Variants in INSR observed in about 807,000 individuals in gnomAD.
INSR encodes IR.
A neutral mutation model predicts 142.6 loss-of-function variants in INSR; 67 were observed. The ratio of observed to expected loss-of-function variants is 0.47; its 90% CI spans 0.39 to 0.58. The LOEUF (loss-of-function observed/expected upper bound fraction) is 0.58. INSR is among the 20% of genes least tolerant of loss of function. The probability of loss-of-function intolerance (pLI) is 0.00; values close to 1 mark genes in which losing one functional copy is unlikely to be tolerated. For missense variants in INSR, 1,248 were observed against 1,833.2 expected, an observed-to-expected ratio of 0.68 and a Z score of 5.83; for synonymous variants, 756 against 743.1, an observed-to-expected ratio of 1.02 and a Z score of -0.28.
intron 2 of INSR, among the ~76,000 whole-genome samples, chr19:7,185,202 ATTTG>A (rs1433961353): frequency 2.0e-5 from 3 of 152,150 alleles, no homozygotes; most frequent in Non-Finnish European, 4.4e-5. Context: ...TTTTAATGTA[ATTTG>A]TTTAACTGTA....
chr19:7,180,877 T>C (rs771908115), intron 3 of INSR, among the ~76,000 whole-genome samples: 10 of 152,104 alleles, frequency 6.6e-5, no homozygotes, highest in Non-Finnish European at 1.2e-4. Context: ...TTGGATTCTG[T>C]CCATTGGTCT....
At chr19:7,147,440 GCTGCGATTAC>G (rs1404575873) in intron 11 of INSR, among the ~76,000 whole-genome samples, 1 of 152,134 alleles carries the variant, frequency 6.6e-6, no homozygotes, top group East Asian at 1.9e-4. Context: ...CTCCCAAAGT[GCTGCGATTAC>G]AGGTGTGAGT....
In INSR at chr19:7,150,569, G is replaced by A; in HGVS notation, c.2232-37C>T. ...AAACCAACGCCTTTGAGGACAGAGG[G>A]AACTTCATTAGACAGACCACTGGGC... On this transcript the variant is annotated intron_variant, in intron 10 of 21. Transcript: ENST00000302850. The surrounding 1 kb of genome is among the most constrained non-coding windows in gnomAD (Gnocchi z 4.2). 6.2e-7 allele frequency: 1 copy of A among 1,609,814 alleles called. No individual in the cohort carries two copies.
intron 11 of INSR, among the ~76,000 whole-genome samples, chr19:7,144,642 G>A (rs541866956): frequency 1.3e-5 from 2 of 151,740 alleles, no homozygotes; most frequent in South Asian, 2.1e-4. Context: ...GACCTCAGGT[G>A]ATCTGCCCAC....
chr19:7,182,828 T>A (rs1051350402), intron 3 of INSR, among the ~76,000 whole-genome samples: 1 of 150,364 alleles, frequency 6.7e-6, no homozygotes, highest in African/African-American at 2.5e-5. Flanking sequence ...CCATTTTTTT[T>A]ATTTCAATTG....
In INSR at chr19:7,173,316, G is replaced by A. The variant is rs1974061006; in HGVS notation, c.1124-882C>T. ...AAGGAATGCCTTTTTGCCTGACATG[G>A]TATTTCTTTTCTTTTTTTTTGAAAT... On this transcript the variant is annotated intron_variant, in intron 4 of 21. Transcript: ENST00000302850. 2.0e-5 allele frequency among the ~76,000 whole-genome samples: 3 copies of A among 152,126 alleles called. No individual in the cohort carries two copies. The South Asian group carries it at 6.2e-4, about 32-fold the overall frequency.
At chr19:7,145,851 T>G (rs1035766094) in intron 11 of INSR, among the ~76,000 whole-genome samples, 3 of 152,238 alleles carry the variant, frequency 2.0e-5, no homozygotes. Context: ...TAATTAGTAA[T>G]GATGAGATGG....
intron 10 of INSR, 103 bp downstream of exon 10, chr19:7,152,623 T>G: frequency 3.2e-6 from 3 of 951,754 alleles, no homozygotes; most frequent in Non-Finnish European, 5.1e-6. Flanking sequence ...CCCACCCTTC[T>G]GCCGTCTCTG....
At chr19:7,191,928 G>GGGAA (rs59709595) in intron 2 of INSR, among the ~76,000 whole-genome samples, 11 of 141,556 alleles carry the variant, frequency 7.8e-5, no homozygotes, top group African/African-American at 2.3e-4. Flanking sequence ...GAAAGAAGGA[G>GGGAA]GGAAGGAAGG....
intron 1 of INSR, among the ~76,000 whole-genome samples, chr19:7,289,608 G>A (rs979808214): frequency 2.6e-5 from 4 of 152,050 alleles, no homozygotes; most frequent in African/African-American, 9.6e-5. Flanking sequence ...GTTTCACCAT[G>A]TTGGCCAGGG....
Position 7,243,631 on chromosome 19 carries a change from G to C in INSR, c.652+23714C>G, listed in dbSNP as rs144338827. On this transcript the variant is annotated intron_variant, in intron 2 of 21. Transcript: ENST00000302850. ...TTTGTCAATGAATACTCAGTTACCT[G>C]CTATTTCATTTTATGTGGCTAGAAC... is the stretch of plus-strand genomic sequence containing the variant. 1.5e-3 allele frequency among the ~76,000 whole-genome samples: 230 copies of C among 152,246 alleles called. 1 individual carries two copies. Among genetic ancestry groups the C allele is most frequent in the Non-Finnish European group, 2.7e-3 (186 of 68,034 alleles).
In INSR at chr19:7,184,509, C is replaced by A. The variant is rs368445171; in HGVS notation, c.781G>T (p.Asp261Tyr). Residue 261 changes from aspartate (D) to tyrosine (Y), a missense_variant, in exon 3 of 22, where the codon GAC (aspartate) becomes TAC (tyrosine). Asp to Tyr is a radical substitution (Grantham distance 160, BLOSUM62 -3). Coordinates refer to ENST00000302850, the MANE Select transcript of INSR (RefSeq NM_000208.4). ...GGGCAGGTCTCCACACACCTGCCGT[C>A]CAGGTAGAAGTTGCGGCAGGCCACG... Reference protein sequence around the residue: ...KCVACRNFYLDGRCVETCPPP... With the variant: ...KCVACRNFYLYGRCVETCPPP... The A allele has an allele frequency of 3.0e-5, 48 of 1,613,830 alleles. No homozygotes were observed. The highest frequency in any genetic ancestry group is 4.0e-5 in the Non-Finnish European group (47 of 1,180,004).
At chr19:7,262,883 G>C (rs1159527224) in intron 2 of INSR, among the ~76,000 whole-genome samples, 4 of 152,234 alleles carry the variant, frequency 2.6e-5, no homozygotes, top group Non-Finnish European at 5.9e-5. Flanking sequence ...TGGGGACAGA[G>C]TTTCAGTTTG....
At chr19:7,151,598 G>C (rs572736423) in intron 10 of INSR, among the ~76,000 whole-genome samples, 57 of 151,634 alleles carry the variant, frequency 3.8e-4, no homozygotes, top group Admixed American at 1.8e-3. Flanking sequence ...CATTTTGTTT[G>C]TAACAGGTGA....
intron 3 of INSR, among the ~76,000 whole-genome samples, chr19:7,180,371 ATT>A (rs1427945998): frequency 1.3e-5 from 2 of 150,986 alleles, no homozygotes; most frequent in Admixed American, 1.3e-4. Flanking sequence ...ACACTACAGA[ATT>A]TTTTTTTAGC....
chr19:7,188,241 A>G (rs1974481355), intron 2 of INSR, among the ~76,000 whole-genome samples: 1 of 152,040 alleles, frequency 6.6e-6, no homozygotes, highest in Non-Finnish European at 1.5e-5. Flanking sequence ...TATGGCATGG[A>G]TCACTCTTGA....
rs182278322 is a variant in INSR at position 7,145,062 on chromosome 19, T to C, written c.2268-1972A>G. ...TTATATTACTGAGTGTGACTTCATT[T>C]TTCCTTTATTGGTTCTCTGTGATTC... On this transcript the variant is annotated intron_variant, in intron 11 of 21. Coordinates refer to ENST00000302850, the MANE Select transcript of INSR (RefSeq NM_000208.4). Among the ~76,000 whole-genome samples the C allele has an allele frequency of 3.0e-3, 460 of 152,296 alleles. 17 individuals are homozygous for C. In the South Asian group the frequency reaches 0.064, roughly 21 times the overall value.
chr19:7,125,853 C>G lies in INSR; in HGVS notation c.3014-326G>C, dbSNP rs1207792934. On this transcript the variant is annotated intron_variant, in intron 16 of 21. Coordinates refer to ENST00000302850, the MANE Select transcript of INSR (RefSeq NM_000208.4). The surrounding 1 kb of genome is among the most constrained non-coding windows in gnomAD (Gnocchi z 4.9). Reference sequence around the variant, plus strand: ...TGATGCTACTTCCCACCTGAGACTACTGTTTCTGCAAAGTGCCAAGGGGAT... The same window carrying G: ...TGATGCTACTTCCCACCTGAGACTAGTGTTTCTGCAAAGTGCCAAGGGGAT... Among the ~76,000 whole-genome samples the G allele has an allele frequency of 6.6e-6, 1 of 152,076 alleles. No individual in the cohort carries two copies. Among genetic ancestry groups the G allele is most frequent in the Non-Finnish European group, 1.5e-5 (1 of 68,014 alleles).
rs553054121 is a variant in INSR, at chr19:7,141,924, C to T, written c.2543-108G>A. Reference sequence around the variant, plus strand: ...GGCTGGTGACGTCATTTTCCCACAACCCATTTTCCTCGTCAGAGAACGGAC... The same window carrying T: ...GGCTGGTGACGTCATTTTCCCACAATCCATTTTCCTCGTCAGAGAACGGAC... On this transcript the variant is annotated intron_variant, in intron 12 of 21. Transcript: ENST00000302850. 2.8e-5 allele frequency: 24 copies of T among 846,936 alleles called. No homozygotes were observed. In the African/African-American group the frequency reaches 3.0e-4, roughly 11 times the overall value. The allele number at this position is 846,936 out of a possible 1,614,324, so 52.5% of individuals were successfully genotyped here.
Sources: gnomAD v4.1 joint callset for allele counts (sites outside exome capture counted in the v4.1 genomes callset) on GRCh38, gnomAD v4.1.1 for gene constraint, Gnocchi (gnomAD v3.1) non-coding constraint, MANE v1.5 for transcripts, NCBI Gene and HGNC (gene_info 2026-07-23, HGNC 2026-07-21) for gene names.